The following FAM222B variants were observed in gnomAD, a reference collection of about 807,000 sequenced individuals.
FAM222B encodes the protein family with sequence similarity 222 member B.
A neutral mutation model predicts 38.0 loss-of-function variants in FAM222B; 12 were observed. The observed-to-expected ratio is 0.32, with a 90% CI of 0.20 to 0.51. The LOEUF (loss-of-function observed/expected upper bound fraction) is 0.51, where lower values mean the gene tolerates loss of function less well. Ranked by LOEUF, FAM222B falls within the 20% of genes least tolerant of loss-of-function variation. The pLI is 0.97. For missense variants in FAM222B, 716 were observed against 754.2 expected, an observed-to-expected ratio of 0.95 and a Z score of 0.59; for synonymous variants, 329 against 317.2, an observed-to-expected ratio of 1.04 and a Z score of -0.40.
rs1307080288 is a variant in FAM222B, at chr17:28,758,413, A to G, written c.1546T>C (p.Tyr516His). 4.3e-6 allele frequency: 7 copies of G among 1,613,792 alleles called. No individual in the cohort carries two copies. The highest frequency in any genetic ancestry group is 5.9e-6 in the Non-Finnish European group (7 of 1,179,836). ...SQNSLMQTVD[Y>H]LSGDFQQACF... is the part of the protein sequence containing the mutation. ...GCCTGTTGGAAATCCCCACTTAGGT[A>G]ATCCACTGTTTGCATCAAGCTGTTC... Residue 516 changes from tyrosine to histidine, a missense_variant, in exon 3 of 3, where the codon TAC (tyrosine) becomes CAC (histidine). Physicochemically the swap from Tyr to His is moderately conservative, Grantham distance 83 (BLOSUM62 2). Transcript: ENST00000581407.
intron 1 of FAM222B, among the ~76,000 whole-genome samples, chr17:28,853,777 G>C (rs928178701): frequency 2.0e-5 from 3 of 151,824 alleles, no homozygotes; most frequent in Non-Finnish European, 4.4e-5. Context: ...TGTAGTCCTA[G>C]CTACTCAAGA....
At chr17:28,824,693 A>G (rs2038375239) in intron 1 of FAM222B, among the ~76,000 whole-genome samples, 1 of 152,106 alleles carries the variant, frequency 6.6e-6, no homozygotes, top group Admixed American at 6.6e-5. Flanking sequence ...CAGCTTTTAT[A>G]CCATCACCCC....
Position 28,758,087 on chromosome 17 carries a change from T to C in FAM222B, c.*183A>G. 1 of 545,728 alleles carries C rather than the reference T, an allele frequency of 1.8e-6. No individual in the cohort carries two copies. Among genetic ancestry groups the C allele is most frequent in the Non-Finnish European group, 3.1e-6 (1 of 319,466 alleles). 33.8% of individuals were successfully genotyped at this position (545,728 alleles called of 1,614,324 possible). On this transcript the variant is annotated 3_prime_UTR_variant, in exon 3 of 3. Coordinates refer to ENST00000581407, the MANE Select transcript of FAM222B (RefSeq NM_001077498.3). ...TAGGTTCTAACATAAAACCAAAAGTTGCTGGAGGGGAGGACGAGAGGACCC... is the reference window on the plus strand; with the variant it reads ...TAGGTTCTAACATAAAACCAAAAGTCGCTGGAGGGGAGGACGAGAGGACCC...
chr17:28,786,006 G>T (rs1333405309), intron 1 of FAM222B, among the ~76,000 whole-genome samples: 1 of 151,648 alleles, frequency 6.6e-6, no homozygotes, highest in Admixed American at 6.6e-5. Flanking sequence ...GCTAATTTTT[G>T]TATTTTTAGT....
At chr17:28,815,263 G>A (rs2037975956) in intron 1 of FAM222B, among the ~76,000 whole-genome samples, 1 of 150,768 alleles carries the variant, frequency 6.6e-6, no homozygotes, top group African/African-American at 2.4e-5. Flanking sequence ...ACCCAGGCTG[G>A]AGTGCAGTGG....
chr17:28,763,855 T>A (rs142174628), intron 2 of FAM222B, among the ~76,000 whole-genome samples: 5 of 152,302 alleles, frequency 3.3e-5, no homozygotes, highest in Non-Finnish European at 7.4e-5. Flanking sequence ...TATGACTTTA[T>A]CCAGTCATTG....
rs751712925 is a variant in FAM222B, at chr17:28,759,214, T to C, written c.745A>G (p.Ile249Val). 1.9e-6 allele frequency: 3 copies of C among 1,612,800 alleles called. No homozygotes were observed. The highest frequency in any genetic ancestry group is 2.5e-6 in the Non-Finnish European group (3 of 1,179,632). ...PPNVTVSTSTIPLSMAATLQH... is the reference protein window; with the variant it reads ...PPNVTVSTSTVPLSMAATLQH... ...AGAGTGGCCGCCATTGAAAGGGGGATAGTTGAGGTAGACACGGTCACATTC... is the reference window on the plus strand; with the variant it reads ...AGAGTGGCCGCCATTGAAAGGGGGACAGTTGAGGTAGACACGGTCACATTC... The change falls in exon 3 of 3, where the codon ATC (isoleucine) becomes GTC (valine). Residue 249 changes from isoleucine (I) to valine (V), a missense_variant. By Grantham distance (29) the Ile-to-Val change is conservative. Coordinates refer to ENST00000581407, the MANE Select transcript of FAM222B (RefSeq NM_001077498.3). This position sits in a 1 kb window ranked among gnomAD's most constrained non-coding sequence, Gnocchi z 4.8.
chr17:28,800,651 T>C (rs976025210), intron 1 of FAM222B, among the ~76,000 whole-genome samples: 13 of 152,166 alleles, frequency 8.5e-5, no homozygotes, highest in African/African-American at 3.1e-4. Flanking sequence ...AGGACTTTTC[T>C]TAAAATGAAA....
At chr17:28,775,602 A>G (rs7224870) in intron 1 of FAM222B, among the ~76,000 whole-genome samples, 44,380 of 151,842 alleles carry the variant, frequency 0.29, 7,848 homozygotes, top group African/African-American at 0.49. Context: ...ATTGGAGGTC[A>G]TGCGTGGTGG....
At chr17:28,823,048 T>C (rs117740916) in intron 1 of FAM222B, among the ~76,000 whole-genome samples, 3,315 of 149,156 alleles carry the variant, frequency 0.022, 62 homozygotes, top group Non-Finnish European at 0.03. Context: ...AGACTGAGAC[T>C]CCATCTTGGG....
chr17:28,791,223 T>TA (rs1052157357), intron 1 of FAM222B, among the ~76,000 whole-genome samples: 18 of 151,872 alleles, frequency 1.2e-4, no homozygotes, highest in Non-Finnish European at 2.1e-4. Flanking sequence ...TTTTTTATTT[T>TA]AAAAAAATAC....
At chr17:28,774,160 T>TC (rs398030576) in intron 1 of FAM222B, among the ~76,000 whole-genome samples, 1 of 151,776 alleles carries the variant, frequency 6.6e-6, no homozygotes, top group African/African-American at 2.4e-5. Flanking sequence ...TTTTTTTTTT[T>TC]CCTGGACAGA....
At chr17:28,852,440 C>T (rs1266756141) in intron 1 of FAM222B, among the ~76,000 whole-genome samples, 2 of 151,904 alleles carry the variant, frequency 1.3e-5, no homozygotes, top group Non-Finnish European at 2.9e-5. Context: ...AGTTCAAGAC[C>T]AACCTGGAAT....
At chr17:28,834,342 C>G (rs182843944) in intron 1 of FAM222B, 2 of 152,266 alleles carry the variant, frequency 1.3e-5, no homozygotes, top group East Asian at 3.9e-4. Flanking sequence ...AAATAAAATT[C>G]AGACCCCTTA....
chr17:28,785,482 G>A (rs960472231), intron 1 of FAM222B, among the ~76,000 whole-genome samples: 1 of 152,070 alleles, frequency 6.6e-6, no homozygotes, highest in African/African-American at 2.4e-5. Context: ...TATTATATAC[G>A]ACAAAAACAC....
At chr17:28,787,899 A>G (rs1410494344) in intron 1 of FAM222B, among the ~76,000 whole-genome samples, 1 of 138,220 alleles carries the variant, frequency 7.2e-6, no homozygotes, top group Non-Finnish European at 1.5e-5. Flanking sequence ...ATCTTGGCTC[A>G]CCGCAACCTC....
intron 1 of FAM222B, among the ~76,000 whole-genome samples, chr17:28,800,475 C>T (rs754456634): frequency 3.9e-5 from 6 of 152,114 alleles, no homozygotes; most frequent in African/African-American, 1.2e-4. Context: ...TACTTCTAGG[C>T]GCACTAAGGA....
intron 1 of FAM222B, among the ~76,000 whole-genome samples, chr17:28,837,245 A>C (rs2038875040): frequency 6.6e-6 from 1 of 152,098 alleles, no homozygotes; most frequent in Non-Finnish European, 1.5e-5. Flanking sequence ...CCTGGCTAAC[A>C]CAGTGAAACC....
chr17:28,831,845 A>G (rs2038678293), intron 1 of FAM222B, among the ~76,000 whole-genome samples: 1 of 151,954 alleles, frequency 6.6e-6, no homozygotes, highest in African/African-American at 2.4e-5. Flanking sequence ...ACTTTCCCAC[A>G]AAGTGTCTAC....
Sources: gnomAD v4.1 joint callset for allele counts (sites outside exome capture counted in the v4.1 genomes callset) on GRCh38, gnomAD v4.1.1 for gene constraint, Gnocchi (gnomAD v3.1) non-coding constraint, MANE v1.5 for transcripts, NCBI Gene and HGNC (gene_info 2026-07-23, HGNC 2026-07-21) for gene names.